The following RABGAP1L variants were observed in gnomAD, a reference collection of about 807,000 sequenced individuals.
RABGAP1L encodes the protein rab GTPase-activating protein 1-like.
A neutral mutation model predicts 137.7 loss-of-function variants in RABGAP1L; 63 were observed. The ratio of observed to expected loss-of-function variants is 0.46; its 90% confidence interval spans 0.37 to 0.56. The LOEUF (loss-of-function observed/expected upper bound fraction) is 0.56, where lower values mean the gene tolerates loss of function less well. Among genes scored for constraint, RABGAP1L ranks in the 20% least tolerant of loss-of-function variants. RABGAP1L has a pLI of 0.00. For synonymous variants in RABGAP1L, 431 were observed against 433.7 expected (o/e 0.99, Z 0.08); for missense variants, 1,095 against 1,244.0 (o/e 0.88, Z 1.80).
intron 11 of RABGAP1L, among the ~76,000 whole-genome samples, chr1:174,348,096 CT>C (rs1254747969): frequency 6.6e-6 from 1 of 151,630 alleles, no homozygotes; most frequent in African/African-American, 2.4e-5. Context: ...TCCTATCTTC[CT>C]TTCTGTGAAG....
At chr1:174,882,767 A>G (rs1390314214) in intron 19 of RABGAP1L, among the ~76,000 whole-genome samples, 1 of 152,104 alleles carries the variant, frequency 6.6e-6, no homozygotes, top group Non-Finnish European at 1.5e-5. Context: ...AATTACCTAG[A>G]CCAATATTGT....
intron 13 of RABGAP1L, among the ~76,000 whole-genome samples, chr1:174,544,488 G>A (rs999491875): frequency 6.6e-6 from 1 of 152,106 alleles, no homozygotes; most frequent in Non-Finnish European, 1.5e-5. Flanking sequence ...ATTCTAGTTA[G>A]CCATTCGTCT....
chr1:174,505,492 T>C (rs1249716829), intron 13 of RABGAP1L, among the ~76,000 whole-genome samples: 2 of 151,782 alleles, frequency 1.3e-5, no homozygotes, highest in Non-Finnish European at 2.9e-5. Context: ...ACAAAATGTG[T>C]TCTGAATTTT....
chr1:174,227,386 A>G (rs1179548111), intron 3 of RABGAP1L, among the ~76,000 whole-genome samples: 1 of 149,824 alleles, frequency 6.7e-6, no homozygotes, highest in East Asian at 1.9e-4. Context: ...TTTTTTTAGT[A>G]GAGATGGGGT....
chr1:174,735,759 A>C (rs1682888470), intron 17 of RABGAP1L, among the ~76,000 whole-genome samples: 1 of 152,128 alleles, frequency 6.6e-6, no homozygotes, highest in African/African-American at 2.4e-5. Flanking sequence ...GGAAAGTTTC[A>C]ATCATAGTGG....
rs1679965996 is a variant in RABGAP1L at position 174,321,431 on chromosome 1, G to A, written c.1465+16304G>A. Among the ~76,000 whole-genome samples, 3 of 152,194 alleles carry A rather than the reference G, an allele frequency of 2.0e-5. No individual in the cohort carries two copies. In the South Asian group the frequency reaches 6.2e-4, roughly 32 times the overall value. ...TTGCTAATAAAAACTTGCTGGTTTT[G>A]TGGCTTGGGGGGCATCATGGAAACT... is the stretch of plus-strand genomic sequence containing the variant. On this transcript the variant is annotated intron_variant, in intron 11 of 25. Transcript: ENST00000681986.
At chr1:174,889,531 C>T (rs1655765235) in intron 19 of RABGAP1L, among the ~76,000 whole-genome samples, 1 of 152,142 alleles carries the variant, frequency 6.6e-6, no homozygotes, top group Admixed American at 6.5e-5. Context: ...AATGATCCTC[C>T]TGCTTCAACC....
chr1:174,501,287 C>T (rs1661254999), intron 13 of RABGAP1L, among the ~76,000 whole-genome samples: 1 of 151,004 alleles, frequency 6.6e-6, no homozygotes, highest in Non-Finnish European at 1.5e-5. Flanking sequence ...CATCACGGCT[C>T]ACTGCAACCT....
chr1:174,945,002 G>A lies in RABGAP1L; in HGVS notation c.2341-12455G>A, dbSNP rs1666507386. ...TGCTTCAGGTTTCTTAGCATTTTAT[G>A]GTGGAAAGGCCAGTACTATGATAAT... On this transcript the variant is annotated intron_variant, in intron 19 of 25. Transcript: ENST00000681986. Among the ~76,000 whole-genome samples, 3 of 152,108 alleles carry A rather than the reference G, an allele frequency of 2.0e-5. No homozygotes were observed. In the South Asian group the frequency reaches 6.2e-4, roughly 31 times the overall value.
intron 7 of RABGAP1L, among the ~76,000 whole-genome samples, chr1:174,259,502 A>C (rs1673399833): frequency 6.6e-6 from 1 of 152,210 alleles, no homozygotes; most frequent in African/African-American, 2.4e-5. Context: ...GCTTCTTTTT[A>C]AATACTTGAC....
chr1:174,195,726 CTTTCT>C (rs1490706278), intron 1 of RABGAP1L, among the ~76,000 whole-genome samples: 142 of 88,788 alleles, frequency 1.6e-3, no homozygotes, highest in Middle Eastern at 0.012. Context: ...TCTTTCTTTT[CTTTCT>C]TTTCTTTCTT....
intron 19 of RABGAP1L, chr1:174,850,120 A>G (rs878948400): frequency 2.2e-5 from 11 of 489,392 alleles, no homozygotes; most frequent in South Asian, 1.7e-4. Context: ...CATTCCTCTC[A>G]GTTCTCTAGG....
chr1:174,754,551 G>T (rs1684573875), intron 18 of RABGAP1L, among the ~76,000 whole-genome samples: 1 of 152,044 alleles, frequency 6.6e-6, no homozygotes, highest in Non-Finnish European at 1.5e-5. Context: ...GCCTAGGCTG[G>T]AGTATAGTGG....
intron 10 of RABGAP1L, among the ~76,000 whole-genome samples, chr1:174,295,988 A>G (rs2148735264): frequency 6.6e-6 from 1 of 152,336 alleles, no homozygotes; most frequent in South Asian, 2.1e-4. Flanking sequence ...TTGAATGAGG[A>G]GTGAAGGCTA....
intron 10 of RABGAP1L, among the ~76,000 whole-genome samples, chr1:174,287,598 T>C (rs1676178612): frequency 6.6e-6 from 1 of 152,206 alleles, no homozygotes; most frequent in Non-Finnish European, 1.5e-5. Flanking sequence ...GTTCAAGTGA[T>C]TCTCCAACCT....
chr1:174,883,543 G>A (rs1229252458), intron 19 of RABGAP1L, among the ~76,000 whole-genome samples: 2 of 152,162 alleles, frequency 1.3e-5, no homozygotes, highest in African/African-American at 4.8e-5. Flanking sequence ...CTTCTGCCCT[G>A]AAGATGGTGC....
chr1:174,965,167 TG>T (rs1320302202), intron 20 of RABGAP1L, among the ~76,000 whole-genome samples: 1 of 152,146 alleles, frequency 6.6e-6, no homozygotes, highest in Non-Finnish European at 1.5e-5. Context: ...GTCAGTTGTG[TG>T]AGATGGGGAG....
At chr1:174,414,226 C>G (rs1403443544) in intron 13 of RABGAP1L, among the ~76,000 whole-genome samples, 1 of 151,810 alleles carries the variant, frequency 6.6e-6, no homozygotes, top group Non-Finnish European at 1.5e-5. Context: ...TATCACAGAT[C>G]TTCAAAAAAT....
intron 19 of RABGAP1L, chr1:174,877,445 G>C: frequency 6.2e-7 from 1 of 1,609,124 alleles, no homozygotes; most frequent in Non-Finnish European, 8.5e-7. Context: ...TGGATAGTCT[G>C]GTCTGGAGCT....
Sources: gnomAD v4.1 joint callset for allele counts (sites outside exome capture counted in the v4.1 genomes callset) on GRCh38, gnomAD v4.1.1 for gene constraint, MANE v1.5 for transcripts, NCBI Gene and HGNC (gene_info 2026-07-23, HGNC 2026-07-21) for gene names.